Variants in ZMYM2 observed in about 807,000 individuals in gnomAD.
ZMYM2 encodes zinc finger MYM-type protein 2.
Under a neutral mutation model 162.8 loss-of-function variants are expected in ZMYM2, and 56 were observed. The observed-to-expected ratio is 0.34, with a 90% CI of 0.28 to 0.43. ZMYM2 has a LOEUF of 0.43. Among genes scored for constraint, ZMYM2 ranks in the 20% least tolerant of loss-of-function variants. The pLI is 1.00. For synonymous variants in ZMYM2, 510 were observed against 541.6 expected, an observed-to-expected ratio of 0.94 and a Z score of 0.81; for missense variants, 1,275 against 1,621.8, an observed-to-expected ratio of 0.79 and a Z score of 3.67.
At chr13:19,937,658 T>C in the ZMYM2 span, among the ~76,000 whole-genome samples, 1 of 151,356 alleles carries the variant, frequency 6.6e-6, no homozygotes, top group African/African-American at 2.4e-5. Flanking sequence ...ATTATTATAC[T>C]TTATGTTTTA....
At chr13:19,906,397 GTA>G in the ZMYM2 span, among the ~76,000 whole-genome samples, 1 of 143,174 alleles carries the variant, frequency 7.0e-6, no homozygotes. Context: ...ATGTATGTGT[GTA>G]TATATATATG....
chr13:20,043,708 G>C (rs1954495531), intron 12 of ZMYM2, among the ~76,000 whole-genome samples: 1 of 152,054 alleles, frequency 6.6e-6, no homozygotes. Flanking sequence ...GGCAAGGTGG[G>C]GGTGAAGTGC....
At chr13:20,076,042 G>A (rs1957483590) in intron 21 of ZMYM2, among the ~76,000 whole-genome samples, 1 of 150,510 alleles carries the variant, frequency 6.6e-6, no homozygotes, top group African/African-American at 2.5e-5. Context: ...AGCTAGATGT[G>A]TATATTTCTG....
At chr13:19,865,533 G>A in the ZMYM2 span, among the ~76,000 whole-genome samples, 2 of 152,202 alleles carry the variant, frequency 1.3e-5, no homozygotes, top group African/African-American at 4.8e-5. Flanking sequence ...AATGACTGCT[G>A]TAAATTACAA....
At chr13:19,903,589 G>A in the ZMYM2 span, among the ~76,000 whole-genome samples, 8,570 of 151,202 alleles carry the variant, frequency 0.057, 424 homozygotes, top group African/African-American at 0.14. Context: ...AAAAGAGGCC[G>A]AAGTGTGATG....
At chr13:19,922,929 G>A in the ZMYM2 span, among the ~76,000 whole-genome samples, 2 of 151,804 alleles carry the variant, frequency 1.3e-5, no homozygotes, top group Non-Finnish European at 1.5e-5. Context: ...GGCTGAAGCA[G>A]GAGAATCTCT....
chr13:20,002,192 A>G (rs550169147), intron 3 of ZMYM2, among the ~76,000 whole-genome samples: 1 of 152,334 alleles, frequency 6.6e-6, no homozygotes, highest in South Asian at 2.1e-4. Flanking sequence ...GACTTGCATT[A>G]CATTTGTCAA....
At chr13:19,962,490 G>T (rs1257479797) in intron 2 of ZMYM2, among the ~76,000 whole-genome samples, 1 of 128,126 alleles carries the variant, frequency 7.8e-6, no homozygotes, top group Non-Finnish European at 1.6e-5. Context: ...TATTCAAATT[G>T]CATGGGATAT....
intron 2 of ZMYM2, among the ~76,000 whole-genome samples, chr13:19,973,636 A>AC (rs1439339614): frequency 2.1e-5 from 3 of 145,188 alleles, no homozygotes; most frequent in African/African-American, 7.9e-5. Context: ...ATGCCACTGC[A>AC]CTCCAGGCTG....
the ZMYM2 span, among the ~76,000 whole-genome samples, chr13:19,876,717 T>C: frequency 6.6e-6 from 1 of 152,214 alleles, no homozygotes; most frequent in Non-Finnish European, 1.5e-5. Flanking sequence ...TTCATTCATA[T>C]TGTTGTGTAA....
chr13:19,888,178 T>C, the ZMYM2 span, among the ~76,000 whole-genome samples: 1 of 151,652 alleles, frequency 6.6e-6, no homozygotes, highest in South Asian at 2.1e-4. Flanking sequence ...CGCGCCTGGC[T>C]AAATTATAGT....
At chr13:20,045,049 CAAAAAAA>C (rs933854935) in intron 12 of ZMYM2, among the ~76,000 whole-genome samples, 8 of 47,482 alleles carry the variant, frequency 1.7e-4, no homozygotes, top group Admixed American at 9.7e-4. Context: ...GACTCTGTGT[CAAAAAAA>C]AAAAAAAAAA....
chr13:19,952,579 G>A, the ZMYM2 span, among the ~76,000 whole-genome samples: 4 of 152,114 alleles, frequency 2.6e-5, no homozygotes, highest in African/African-American at 9.7e-5. Flanking sequence ...ATTCCAATGT[G>A]AACTGGTAAG....
At chr13:19,912,103 C>T in the ZMYM2 span, among the ~76,000 whole-genome samples, 5 of 152,176 alleles carry the variant, frequency 3.3e-5, no homozygotes, top group Admixed American at 6.5e-5. Flanking sequence ...CAAATTGACA[C>T]ATCTCCTGGT....
the ZMYM2 span, among the ~76,000 whole-genome samples, chr13:19,880,706 G>C: frequency 2.0e-5 from 3 of 152,318 alleles, no homozygotes; most frequent in South Asian, 2.1e-4. Flanking sequence ...TGGGATTGCA[G>C]GCATGAGCCC....
chr13:20,036,378 C>T (rs1594500850), intron 11 of ZMYM2, among the ~76,000 whole-genome samples: 1 of 152,026 alleles, frequency 6.6e-6, no homozygotes, highest in Non-Finnish European at 1.5e-5. Flanking sequence ...CAGTAGTCTA[C>T]ATTGTTCCTT....
the ZMYM2 span, among the ~76,000 whole-genome samples, chr13:19,953,267 T>C: frequency 3.3e-5 from 5 of 152,242 alleles, no homozygotes; most frequent in African/African-American, 7.2e-5. Context: ...CACCTCTGCA[T>C]ACTTTTCCAG....
chr13:20,036,099 T>TA (rs1953670449), intron 11 of ZMYM2, among the ~76,000 whole-genome samples: 1 of 152,150 alleles, frequency 6.6e-6, no homozygotes, highest in Admixed American at 6.5e-5. Context: ...TCATTCTACT[T>TA]ACATAGCACA....
At chr13:19,945,951 GAAAAAAA>G in the ZMYM2 span, among the ~76,000 whole-genome samples, 34 of 89,568 alleles carry the variant, frequency 3.8e-4, no homozygotes, top group Admixed American at 1.2e-3. Context: ...CTCCGTCTCA[GAAAAAAA>G]AAAAAAAAAA....
Sources: allele counts gnomAD v4.1 joint callset (sites outside exome capture counted in the v4.1 genomes callset), GRCh38; gene constraint gnomAD v4.1.1; transcripts MANE v1.5; gene names NCBI Gene and HGNC (gene_info 2026-07-23, HGNC 2026-07-21).